Variants in TRAK1 observed in about 807,000 individuals in gnomAD.
TRAK1 encodes trafficking kinesin protein 1.
A neutral mutation model predicts 92.1 loss-of-function variants in TRAK1; 33 were observed. The observed-to-expected ratio is 0.36, with a 90% CI of 0.27 to 0.48. TRAK1 has a LOEUF of 0.48. TRAK1 is among the 20% of genes least tolerant of loss of function. TRAK1 has a pLI of 0.99. For synonymous variants in TRAK1, 521 were observed against 517.3 expected (o/e 1.01, Z -0.10); for missense variants, 1,123 against 1,257.9 (o/e 0.89, Z 1.62).
intron 1 of TRAK1, among the ~76,000 whole-genome samples, chr3:42,103,920 A>C (rs1011369810): frequency 8.7e-4 from 132 of 152,266 alleles, no homozygotes; most frequent in African/African-American, 3.1e-3. Flanking sequence ...CTTTCCTAGC[A>C]AAGGGAAGCC....
rs192945489 is a variant in TRAK1 at position 42,072,366 on chromosome 3, G to A, written c.-518-14738G>A. Among the ~76,000 whole-genome samples, 8 of 152,182 alleles carry A rather than the reference G, an allele frequency of 5.3e-5. No homozygotes were observed. The South Asian group carries it at 6.2e-4, about 12-fold the overall frequency. ...GGTCTCACTGAACTTGCTTTGTGCC[G>A]GAAAGCTCTGCTCGTAAAGGTTCCA... On this transcript the variant is annotated intron_variant, in intron 1 of 16. Transcript: ENST00000487159.
intron 1 of TRAK1, among the ~76,000 whole-genome samples, chr3:42,115,824 T>G (rs1709090339): frequency 6.6e-6 from 1 of 152,208 alleles, no homozygotes; most frequent in African/African-American, 2.4e-5. Context: ...CCTTGTCCCT[T>G]TGTGGCTGGG....
intron 2 of TRAK1, among the ~76,000 whole-genome samples, chr3:42,167,998 A>G (rs1702082955): frequency 6.6e-6 from 1 of 152,246 alleles, no homozygotes; most frequent in East Asian, 1.9e-4. Context: ...GGCAAGTGAG[A>G]GACTTGGCGA....
At chr3:42,074,130 A>T (rs1704050350) in intron 1 of TRAK1, among the ~76,000 whole-genome samples, 1 of 152,218 alleles carries the variant, frequency 6.6e-6, no homozygotes, top group African/African-American at 2.4e-5. Context: ...TAGAGCCATC[A>T]TAGGGCAAGC....
At chr3:42,218,984 G>A (rs1401868252) in intron 14 of TRAK1, 27 of 985,176 alleles carry the variant, frequency 2.7e-5, no homozygotes, top group Non-Finnish European at 3.3e-5. Flanking sequence ...GCATCCCCAG[G>A]CCCCTTTTTG....
intron 1 of TRAK1, among the ~76,000 whole-genome samples, chr3:42,059,142 T>G (rs1325054965): frequency 6.6e-6 from 1 of 152,094 alleles, no homozygotes; most frequent in East Asian, 1.9e-4. Flanking sequence ...TTGCCCAGGC[T>G]GGAGTGCAGT....
intron 1 of TRAK1, among the ~76,000 whole-genome samples, chr3:42,073,547 GA>G (rs1704025189): frequency 6.6e-6 from 1 of 152,224 alleles, no homozygotes; most frequent in Admixed American, 6.5e-5. Flanking sequence ...TCTAGCATAT[GA>G]TTATTGTACG....
At chr3:42,121,206 G>T (rs1011796121) in intron 1 of TRAK1, among the ~76,000 whole-genome samples, 9 of 152,036 alleles carry the variant, frequency 5.9e-5, no homozygotes, top group Non-Finnish European at 1.3e-4. Context: ...CTGGGACGGT[G>T]AGACAATGGT....
At chr3:42,074,195 T>TTGG (rs1704053105) in intron 1 of TRAK1, among the ~76,000 whole-genome samples, 1 of 152,194 alleles carries the variant, frequency 6.6e-6, no homozygotes, top group Non-Finnish European at 1.5e-5. Context: ...TGTTTAGTCT[T>TTGG]TGTGTTTCCT....
intron 2 of TRAK1, chr3:42,149,665 G>C: frequency 5.2e-6 from 8 of 1,533,696 alleles, no homozygotes; most frequent in Non-Finnish European, 7.0e-6. Flanking sequence ...TGGGTGGGGG[G>C]TGTCCTGAAA....
Position 42,200,923 on chromosome 3 carries a change from G to T in TRAK1, c.1296G>T (p.Ser432=). The T allele has an allele frequency of 6.2e-7, 1 of 1,614,064 alleles. No homozygotes were observed. Among genetic ancestry groups the T allele is most frequent in the Non-Finnish European group, 8.5e-7 (1 of 1,180,000 alleles). ...ACATCCCCGGCTCCAACCAGTCCTC[G>T]GCCATGAACTCCCTCCTGTCCAGCT... ...PMNIPGSNQS[S]AMNSLLSSCV... is the part of the protein sequence containing the mutation. The change falls in exon 12 of 16, where the codon TCG becomes TCT. Residue 432 remains serine, a synonymous_variant. Transcript: ENST00000327628.
intron 1 of TRAK1, among the ~76,000 whole-genome samples, chr3:42,035,365 G>C (rs1422592477): frequency 6.6e-6 from 1 of 151,982 alleles, no homozygotes; most frequent in East Asian, 1.9e-4. Context: ...CCCAAATCTT[G>C]GTTCAGACCT....
At chr3:42,110,100 A>G (rs1022418715) in intron 1 of TRAK1, among the ~76,000 whole-genome samples, 3,934 of 71,998 alleles carry the variant, frequency 0.055, 170 homozygotes, top group South Asian at 0.19. Flanking sequence ...TAAAGTATAT[A>G]TATATATATA....
intron 1 of TRAK1, among the ~76,000 whole-genome samples, chr3:42,035,965 C>T (rs1429996823): frequency 6.6e-6 from 1 of 152,244 alleles, no homozygotes; most frequent in Admixed American, 6.5e-5. Flanking sequence ...TAGGTATTTC[C>T]TGCTCAACTT....
chr3:42,134,753 G>A (rs2149188139), intron 2 of TRAK1, among the ~76,000 whole-genome samples: 1 of 151,464 alleles, frequency 6.6e-6, no homozygotes, highest in South Asian at 2.1e-4. Flanking sequence ...TAATTTTTTT[G>A]TATTTTTAGT....
At chr3:42,117,880 T>C (rs533090395) in intron 1 of TRAK1, among the ~76,000 whole-genome samples, 32 of 152,198 alleles carry the variant, frequency 2.1e-4, no homozygotes, top group Admixed American at 7.8e-4. Context: ...TGCAGTGGCC[T>C]GATCTCGGCT....
intron 2 of TRAK1, among the ~76,000 whole-genome samples, chr3:42,139,471 G>T (rs1260362338): frequency 1.3e-5 from 2 of 152,256 alleles, no homozygotes; most frequent in East Asian, 3.9e-4. Context: ...AATTGAGGGT[G>T]CCCGTCTTGG....
chr3:42,116,123 C>T (rs1026363142), intron 1 of TRAK1, among the ~76,000 whole-genome samples: 2 of 152,250 alleles, frequency 1.3e-5, no homozygotes, highest in African/African-American at 2.4e-5. Flanking sequence ...GGGCAAACAG[C>T]GGAAAGCGAA....
intron 2 of TRAK1, among the ~76,000 whole-genome samples, chr3:42,135,687 C>T (rs1274884181): frequency 6.6e-6 from 1 of 152,226 alleles, no homozygotes; most frequent in Non-Finnish European, 1.5e-5. Flanking sequence ...TCCCAGCTCT[C>T]TTCCTCGTCT....
Sources: gnomAD v4.1 joint callset for allele counts (sites outside exome capture counted in the v4.1 genomes callset) on GRCh38, gnomAD v4.1.1 for gene constraint, MANE v1.5 for transcripts, NCBI Gene and HGNC (gene_info 2026-07-23, HGNC 2026-07-21) for gene names.